The following MYRFL variants were observed in gnomAD, a reference collection of about 807,000 sequenced individuals.
The protein encoded by MYRFL is myelin regulatory factor like, also known as myelin regulatory factor-like protein.
Under a neutral mutation model 109.4 loss-of-function variants are expected in MYRFL, and 88 were observed. The observed-to-expected ratio is 0.80, with a 90% CI of 0.68 to 0.96. The LOEUF is 0.96. Among genes scored for constraint, MYRFL ranks in the 40% least tolerant of loss-of-function variants. The probability of loss-of-function intolerance (pLI) is 0.00; values close to 1 mark genes in which losing one functional copy is unlikely to be tolerated. For missense variants in MYRFL, 957 were observed against 954.9 expected, an observed-to-expected ratio of 1.00 and a Z score of -0.03; for synonymous variants, 324 against 320.9, an observed-to-expected ratio of 1.01 and a Z score of -0.10.
chr12:69,947,285 C>T (rs1955862681), intron 19 of MYRFL, among the ~76,000 whole-genome samples: 1 of 152,212 alleles, frequency 6.6e-6, no homozygotes, highest in Admixed American at 6.5e-5. Context: ...CATTTATGAG[C>T]CTCCTCCCTG....
At chr12:69,893,415 A>G (rs1175360223) in intron 7 of MYRFL, among the ~76,000 whole-genome samples, 1 of 152,212 alleles carries the variant, frequency 6.6e-6, no homozygotes, top group East Asian at 1.9e-4. Flanking sequence ...TTCCTCGTAC[A>G]TAGTGGGTGC....
intron 22 of MYRFL, among the ~76,000 whole-genome samples, chr12:69,955,942 TATC>T (rs1956083972): frequency 6.6e-6 from 1 of 152,136 alleles, no homozygotes; most frequent in Non-Finnish European, 1.5e-5. Context: ...ACAAGCCACT[TATC>T]TTCTTTGAGC....
chr12:69,828,171 C>G (rs1882404343), intron 1 of MYRFL, among the ~76,000 whole-genome samples: 1 of 152,062 alleles, frequency 6.6e-6, no homozygotes, highest in African/African-American at 2.4e-5. Flanking sequence ...GTGCCTAAAT[C>G]ACATCATTCT....
rs373108430 is a variant in MYRFL, at chr12:69,920,995, A to C, written c.1603-5576A>C. Among the ~76,000 whole-genome samples the C allele has an allele frequency of 2.0e-5, 3 of 152,162 alleles. No homozygotes were observed. In the East Asian group the frequency reaches 5.8e-4, roughly 29 times the overall value. The stretch of plus-strand genomic sequence containing the variant: ...TTTTGCTTCACAATCTCATTAGAAA[A>C]TTTTGGTGGCAAGCTGGTTTAATCA... On this transcript the variant is annotated intron_variant, in intron 13 of 24. Transcript: ENST00000552032.
Position 69,855,353 on chromosome 12 carries a change from C to A in MYRFL, c.120C>A (p.Asp40Glu), listed in dbSNP as rs746951607. ...TGTTGGAGGAATTTCTGGGCAATGA[C>A]TTTGATTTGGGGGCCTTGTAAGTAA... ...TSLLEEFLGNDFDLGALQRQL... is the reference protein window; with the variant it reads ...TSLLEEFLGNEFDLGALQRQL... Residue 40 changes from aspartate (D) to glutamate (E), a missense_variant, in exon 2 of 25, where the codon GAC becomes GAA. Coordinates refer to ENST00000552032, the MANE Select transcript of MYRFL (RefSeq NM_182530.3). 1.4e-6 allele frequency: 1 copy of A among 702,496 alleles called. No individual in the cohort carries two copies. The highest frequency in any genetic ancestry group is 2.6e-6 in the Non-Finnish European group (1 of 384,754). 43.5% of individuals were successfully genotyped at this position (702,496 alleles called of 1,614,324 possible).
intron 22 of MYRFL, among the ~76,000 whole-genome samples, chr12:69,957,609 G>A (rs917732071): frequency 2.0e-4 from 30 of 152,242 alleles, no homozygotes; most frequent in Admixed American, 9.8e-4. Context: ...ATACTATTTC[G>A]ATAGCTATCT....
chr12:69,907,345 C>A (rs1223871742), intron 11 of MYRFL, among the ~76,000 whole-genome samples: 1 of 152,186 alleles, frequency 6.6e-6, no homozygotes, highest in East Asian at 1.9e-4. Context: ...CTTGGGGAAT[C>A]AAGGATCCAG....
At chr12:69,913,516 A>G (rs113341230) in intron 13 of MYRFL, among the ~76,000 whole-genome samples, 109 of 152,276 alleles carry the variant, frequency 7.2e-4, no homozygotes, top group African/African-American at 2.5e-3. Context: ...TTGTATATGG[A>G]TACCCAGTTT....
intron 21 of MYRFL, among the ~76,000 whole-genome samples, chr12:69,953,195 G>T (rs928030133): frequency 2.6e-5 from 4 of 152,206 alleles, no homozygotes; most frequent in African/African-American, 9.6e-5. Flanking sequence ...GCACAGAGCT[G>T]CCAGTTAATT....
Position 69,864,356 on chromosome 12 carries a change from G to T in MYRFL, c.137+8986G>T, listed in dbSNP as rs117134549. ...TTTTTTTTCAATCTTTTTTCTCTCT[G>T]TTGGTTATATTGGATAATTTCTATT... On this transcript the variant is annotated intron_variant, in intron 2 of 24. Transcript: ENST00000552032. 1.7e-4 allele frequency among the ~76,000 whole-genome samples: 26 copies of T among 151,114 alleles called. 1 individual carries two copies. In the East Asian group the frequency reaches 5.1e-3, roughly 29 times the overall value.
chr12:69,887,818 T>C (rs1328643228), intron 6 of MYRFL, among the ~76,000 whole-genome samples: 1 of 152,198 alleles, frequency 6.6e-6, no homozygotes, highest in Non-Finnish European at 1.5e-5. Flanking sequence ...TTTAATAAGC[T>C]AAAGGAAGCT....
intron 13 of MYRFL, among the ~76,000 whole-genome samples, chr12:69,916,709 G>A (rs1365049126): frequency 6.6e-6 from 1 of 152,104 alleles, no homozygotes; most frequent in African/African-American, 2.4e-5. Flanking sequence ...CAATCTGGAT[G>A]GAGTCTTCTC....
chr12:69,910,731 G>T, intron 12 of MYRFL, 90 bp from the exon 13 acceptor site: 1 of 832,198 alleles, frequency 1.2e-6, no homozygotes, highest in Non-Finnish European at 1.8e-6. Flanking sequence ...TGCTGCAAAT[G>T]TATTGTAGAT....
At chr12:69,947,108 A>T (rs1375432154) in intron 19 of MYRFL, 1 of 152,226 alleles carries the variant, frequency 6.6e-6, no homozygotes, top group Non-Finnish European at 1.5e-5. Flanking sequence ...AAAAGAGGAG[A>T]AGTCTAGGAA....
intron 2 of MYRFL, among the ~76,000 whole-genome samples, chr12:69,857,004 T>A (rs1346643300): frequency 6.6e-6 from 1 of 151,972 alleles, no homozygotes; most frequent in East Asian, 1.9e-4. Flanking sequence ...AAAAGTTTTA[T>A]AGTTTTATAT....
chr12:69,842,112 T>C (rs1883280002), intron 1 of MYRFL, among the ~76,000 whole-genome samples: 1 of 152,334 alleles, frequency 6.6e-6, no homozygotes, highest in South Asian at 2.1e-4. Context: ...TTTGGGTCTC[T>C]AACCCTTAGC....
intron 13 of MYRFL, among the ~76,000 whole-genome samples, chr12:69,912,996 C>A (rs1306674089): frequency 2.0e-5 from 3 of 152,066 alleles, no homozygotes; most frequent in African/African-American, 7.2e-5. Flanking sequence ...CAAACAGAAG[C>A]CATCCAAATG....
intron 11 of MYRFL, 37 bp downstream of exon 11, chr12:69,903,881 C>T (rs1592794166): frequency 2.0e-6 from 3 of 1,478,566 alleles, no homozygotes; most frequent in East Asian, 5.0e-5. Flanking sequence ...CCTCCTCTGA[C>T]ACCCCAGTCA....
At position 69,880,239 on chromosome 12, in the gene MYRFL, A is replaced by G; in HGVS notation, c.503A>G (p.Gln168Arg). The change falls in exon 5 of 25, where the codon CAG becomes CGG. Residue 168 changes from glutamine (Q) to arginine (R), a missense_variant. Transcript: ENST00000552032. The part of the protein sequence containing the change: ...LPPTKKRKCT[Q>R]ALEDSGECRV... ...CCAACCAAGAAGAGAAAGTGCACGC[A>G]GGCACTGGAGGACTCCGGGGAATGC... 1.4e-6 allele frequency: 1 copy of G among 702,746 alleles called. No homozygotes were observed. Among genetic ancestry groups the G allele is most frequent in the South Asian group, 1.5e-5 (1 of 67,572 alleles). 43.5% of individuals were successfully genotyped at this position (702,746 alleles called of 1,614,324 possible).
Sources: gnomAD v4.1 joint callset for allele counts (sites outside exome capture counted in the v4.1 genomes callset) on GRCh38, gnomAD v4.1.1 for gene constraint, MANE v1.5 for transcripts, NCBI Gene and HGNC (gene_info 2026-07-23, HGNC 2026-07-21) for gene names.